Variants in L3MBTL1 observed in about 807,000 individuals in gnomAD.
The protein encoded by L3MBTL1 is L3MBTL histone methyl-lysine binding protein 1, also known as lethal(3)malignant brain tumor-like protein 1.
Under a neutral mutation model 105.3 loss-of-function variants are expected in L3MBTL1, and 75 were observed. The ratio of observed to expected loss-of-function variants is 0.71; its 90% CI spans 0.59 to 0.86. The LOEUF is 0.86. L3MBTL1 is among the 40% of genes least tolerant of loss of function. The probability of loss-of-function intolerance (pLI) is 0.00; values close to 1 mark genes in which losing one functional copy is unlikely to be tolerated. For missense variants in L3MBTL1, 1,069 were observed against 1,126.4 expected (o/e 0.95, Z 0.73); for synonymous variants, 452 against 436.2 (o/e 1.04, Z -0.45).
intron 7 of L3MBTL1, among the ~76,000 whole-genome samples, chr20:43,516,618 G>A (rs1414587023): frequency 6.6e-6 from 1 of 152,006 alleles, no homozygotes; most frequent in Non-Finnish European, 1.5e-5. Context: ...CAACCTTCAG[G>A]CCTTCTCAAT....
intron 8 of L3MBTL1, 97 bp from the exon 9 acceptor site, chr20:43,529,167 G>A: frequency 1.2e-6 from 1 of 807,174 alleles, no homozygotes; most frequent in Non-Finnish European, 2.1e-6. Context: ...GAAATACCAG[G>A]CGGGTGGGGC....
At chr20:43,526,604 G>A (rs929563362) in intron 7 of L3MBTL1, among the ~76,000 whole-genome samples, 1 of 152,216 alleles carries the variant, frequency 6.6e-6, no homozygotes. Context: ...GGCCCAACTG[G>A]ATCAGGCAGT....
chr20:43,547,050 T>C (rs985281946), intron 18 of L3MBTL1, among the ~76,000 whole-genome samples: 3 of 152,068 alleles, frequency 2.0e-5, no homozygotes, highest in Non-Finnish European at 4.4e-5. Context: ...GTCTCTTAAG[T>C]TTCTTCTATT....
In L3MBTL1 at chr20:43,541,158, T is replaced by G; in HGVS notation, c.*30T>G. 6.3e-7 allele frequency: 1 copy of G among 1,599,036 alleles called. No homozygotes were observed. Among genetic ancestry groups the G allele is most frequent in the African/African-American group, 1.3e-5 (1 of 74,696 alleles). ...TACTTTTTTCCCCTTTAATCCAATA[T>G]AGTTGATAATTAAAGTGTATTTTGA... is the stretch of plus-strand genomic sequence containing the variant. On this transcript the variant is annotated 3_prime_UTR_variant, in exon 22 of 22. Coordinates refer to ENST00000418998, the MANE Select transcript of L3MBTL1 (RefSeq NM_001377303.1).
chr20:43,535,870 G>A lies in L3MBTL1; in HGVS notation c.1859G>A (p.Gly620Asp), dbSNP rs915863627. The change falls in exon 17 of 22, where the codon GGC becomes GAC. Residue 620 changes from glycine (G) to aspartate (D), a missense_variant. Transcript: ENST00000418998. ...PREPSSASPG[G>D]CPPLSYRSLP... ...GAGCCCAGCTCTGCCTCCCCTGGGG[G>A]CTGTCCCCCTCTCAGCTATAGGAGC... 6.8e-6 allele frequency: 11 copies of A among 1,611,256 alleles called. No homozygotes were observed. The highest frequency in any genetic ancestry group is 4.0e-5 in the African/African-American group (3 of 74,756).
In L3MBTL1 at chr20:43,532,697, C is replaced by G. The variant is rs921119831; in HGVS notation, c.1285-76C>G. The G allele has an allele frequency of 1.3e-5, 19 of 1,511,044 alleles. No homozygotes were observed. The East Asian group carries it at 4.3e-4, about 34-fold the overall frequency. 93.6% of individuals were successfully genotyped at this position (1,511,044 alleles called of 1,614,324 possible). A position where few individuals can be genotyped will look rare whatever the true frequency, so the allele number is the denominator to read the frequency against. On this transcript the variant is annotated intron_variant, in intron 11 of 21. Coordinates refer to ENST00000418998, the MANE Select transcript of L3MBTL1 (RefSeq NM_001377303.1). Reference sequence around the variant, plus strand: ...CCAGGCTTTCCTAGAGAACCTATTCCTTTGTTTGCCAATGGGCTCTGGGCT... The same window carrying G: ...CCAGGCTTTCCTAGAGAACCTATTCGTTTGTTTGCCAATGGGCTCTGGGCT...
chr20:43,526,663 A>G (rs1026802720), intron 7 of L3MBTL1, among the ~76,000 whole-genome samples: 12 of 152,222 alleles, frequency 7.9e-5, no homozygotes, highest in Non-Finnish European at 1.6e-4. Flanking sequence ...GGCAGCTGCA[A>G]GACAGGTGCT....
intron 19 of L3MBTL1, 137 bp downstream of exon 19, chr20:43,536,595 T>C (rs2019645583): frequency 1.0e-6 from 1 of 1,003,408 alleles, no homozygotes; most frequent in African/African-American, 1.6e-5. Context: ...TTTGAGATAC[T>C]GAGAGCACAG....
intron 1 of L3MBTL1, among the ~76,000 whole-genome samples, chr20:43,510,118 G>T (rs567166879): frequency 6.6e-6 from 1 of 152,318 alleles, no homozygotes; most frequent in South Asian, 2.1e-4. Context: ...GCCTCCCAAA[G>T]TGTTGGGATT....
In L3MBTL1 at chr20:43,514,078, AT is replaced by A. The variant is rs753664553; in HGVS notation, c.360+19del. On this transcript the variant is annotated intron_variant, in intron 3 of 21. Coordinates refer to ENST00000418998, the MANE Select transcript of L3MBTL1 (RefSeq NM_001377303.1). Reference sequence around the variant, plus strand: ...GGCCTGCGGGTCAGTGTCTGTGGGGATTGGCTAAGCCTCGTAAACCGCAGCC... The same window carrying A: ...GGCCTGCGGGTCAGTGTCTGTGGGGATGGCTAAGCCTCGTAAACCGCAGCC... 17 of 1,527,686 alleles carry A rather than the reference AT, an allele frequency of 1.1e-5. No homozygotes were observed. The South Asian group carries it at 2.0e-4, about 18-fold the overall frequency. 94.6% of individuals were successfully genotyped at this position (1,527,686 alleles called of 1,614,324 possible).
downstream of L3MBTL1, among the ~76,000 whole-genome samples, chr20:43,542,638 A>C (rs998527888): frequency 1.3e-5 from 2 of 151,942 alleles, no homozygotes; most frequent in East Asian, 3.9e-4. Flanking sequence ...AAAGAAAAGA[A>C]AAAGATACAG....
chr20:43,540,988 G>A lies in L3MBTL1; in HGVS notation c.2449G>A (p.Ala817Thr), dbSNP rs766879934. ...TGGGAAGACTCTAGTCTGGACTGTG[G>A]CCCAGCTTGGGGACCTTGTGTGCTC... ...VSGKTLVWTV[A>T]QLGDLVCSDH... The change falls in exon 22 of 22, where the codon GCC becomes ACC. Residue 817 changes from alanine (A) to threonine (T), a missense_variant. Physicochemically the swap from Ala to Thr is moderately conservative, Grantham distance 58. Coordinates refer to ENST00000418998, the MANE Select transcript of L3MBTL1 (RefSeq NM_001377303.1). The A allele has an allele frequency of 1.2e-6, 2 of 1,614,186 alleles. No homozygotes were observed. The highest frequency in any genetic ancestry group is 2.2e-5 in the South Asian group (2 of 91,086).
chr20:43,524,522 TA>T (rs1340528428), intron 7 of L3MBTL1, among the ~76,000 whole-genome samples: 1 of 152,196 alleles, frequency 6.6e-6, no homozygotes, highest in Non-Finnish European at 1.5e-5. Flanking sequence ...TTGAGGTATG[TA>T]AATACAAGGG....
In L3MBTL1 at chr20:43,534,281, C is replaced by T. The variant is rs753126636; in HGVS notation, c.1600-3C>T. 1 of 1,613,154 alleles carries T rather than the reference C, an allele frequency of 6.2e-7. No individual in the cohort carries two copies. The highest frequency in any genetic ancestry group is 1.7e-5 in the Admixed American group (1 of 60,010). Reference sequence around the variant, plus strand: ...GCCCTGAAGGCAGCTGTCCCCTCTGCAGCGACCCCCTCACAGCTTCCTGGT... The same window carrying T: ...GCCCTGAAGGCAGCTGTCCCCTCTGTAGCGACCCCCTCACAGCTTCCTGGT... On this transcript the variant is annotated splice_polypyrimidine_tract_variant and splice_region_variant and intron_variant, in intron 14 of 21. Transcript: ENST00000418998.
rs1379483816 is a variant in L3MBTL1 at position 43,540,861 on chromosome 20, C to A, written c.2394+46C>A. On this transcript the variant is annotated intron_variant, in intron 21 of 21. Coordinates refer to ENST00000418998, the MANE Select transcript of L3MBTL1 (RefSeq NM_001377303.1). ...GGGAGACAGAGCCGGGGTCACTGTC[C>A]TTAAGACGGCAGGAAGCAGGTGCCC... The A allele has an allele frequency of 5.6e-6, 9 of 1,612,444 alleles. No homozygotes were observed. The Admixed American group carries it at 1.5e-4, about 27-fold the overall frequency.
At chr20:43,516,308 T>C in intron 7 of L3MBTL1, 131 bp downstream of exon 7, 2 of 688,906 alleles carry the variant, frequency 2.9e-6, no homozygotes, top group Non-Finnish European at 5.2e-6. Context: ...TTAGTGTGTG[T>C]GAAAGAGAGA....
chr20:43,518,045 A>C (rs1276642117), intron 7 of L3MBTL1, among the ~76,000 whole-genome samples: 5 of 152,338 alleles, frequency 3.3e-5, no homozygotes, highest in Non-Finnish European at 5.9e-5. Context: ...AAATAGATTC[A>C]TAAATCAACA....
In L3MBTL1 at chr20:43,540,192, G is replaced by C; in HGVS notation, c.2215G>C (p.Ala739Pro). 1.2e-6 allele frequency: 2 copies of C among 1,613,344 alleles called. No homozygotes were observed. The highest frequency in any genetic ancestry group is 2.2e-5 in the East Asian group (1 of 44,886). Residue 739 changes from alanine to proline, a missense_variant, in exon 20 of 22, where the codon GCC becomes CCC. Coordinates refer to ENST00000418998, the MANE Select transcript of L3MBTL1 (RefSeq NM_001377303.1). Reference sequence around the variant, plus strand: ...CGTGCACCAGTCCCTCTTCATGTCAGCCCTGTCGGCCCACCCTGACCGCTC... The same window carrying C: ...CGTGCACCAGTCCCTCTTCATGTCACCCCTGTCGGCCCACCCTGACCGCTC... ...DVVHQSLFMS[A>P]LSAHPDRSLS...
intron 7 of L3MBTL1, among the ~76,000 whole-genome samples, chr20:43,525,586 G>C (rs1466604406): frequency 6.6e-6 from 1 of 152,132 alleles, no homozygotes; most frequent in Admixed American, 6.5e-5. Flanking sequence ...ACTTACTTGG[G>C]TTTAGGGATA....
Sources: allele counts gnomAD v4.1 joint callset (sites outside exome capture counted in the v4.1 genomes callset), GRCh38; gene constraint gnomAD v4.1.1; transcripts MANE v1.5; gene names NCBI Gene and HGNC (gene_info 2026-07-23, HGNC 2026-07-21).